The following LAMTOR5 variants were observed in gnomAD, a reference collection of about 807,000 sequenced individuals.
LAMTOR5 encodes ragulator complex protein LAMTOR5.
LAMTOR5 carries 8 observed loss-of-function variants against 12.1 expected under a neutral mutation model. The observed-to-expected ratio is 0.66, with a 90% CI of 0.39 to 1.19. The LOEUF (loss-of-function observed/expected upper bound fraction) is 1.19, where lower values mean the gene tolerates loss of function less well. Ranked by LOEUF, LAMTOR5 falls within the 50% of genes most tolerant of loss-of-function variation. The probability of loss-of-function intolerance (pLI) is 0.01; values close to 1 mark genes in which losing one functional copy is unlikely to be tolerated. For missense variants in LAMTOR5, 110 were observed against 112.8 expected, an observed-to-expected ratio of 0.97 and a Z score of 0.11; for synonymous variants, 37 against 41.9, an observed-to-expected ratio of 0.88 and a Z score of 0.45.
At chr1:110,407,716 G>A (rs1310599269), upstream of LAMTOR5, 3 of 1,614,204 alleles carry the variant, frequency 1.9e-6, no homozygotes, top group African/African-American at 1.3e-5. Context: ...GGCGTGGACC[G>A]TAACGGCGCC....
At chr1:110,404,555 C>A (rs1271481643) in intron 2 of LAMTOR5, among the ~76,000 whole-genome samples, 3 of 152,168 alleles carry the variant, frequency 2.0e-5, no homozygotes, top group Non-Finnish European at 4.4e-5. Context: ...TTTCAGTTAC[C>A]CTTCCAGCAA....
At chr1:110,401,809 T>C (rs1201471222) in intron 3 of LAMTOR5, among the ~76,000 whole-genome samples, 3 of 152,224 alleles carry the variant, frequency 2.0e-5, no homozygotes, top group African/African-American at 7.2e-5. Flanking sequence ...CCACTGTTAA[T>C]ATTTCCCTGG....
In LAMTOR5 at chr1:110,406,334, T is replaced by C. The variant is rs1663327566; in HGVS notation, c.81A>G (p.Gln27=). ...GATACTTACAACCCAGATTAAGTCC[T>C]TGTGAATCTGTGCACAGGACTCCAA... ...SIVGVLCTDS[Q]GLNLGCRGTL... Residue 27 remains glutamine (Q), a synonymous_variant, in exon 2 of 4, where the codon CAA becomes CAG. Coordinates refer to ENST00000602318, the MANE Select transcript of LAMTOR5 (RefSeq NM_001382293.1). 1.2e-6 allele frequency: 2 copies of C among 1,608,374 alleles called. No individual in the cohort carries two copies. Among genetic ancestry groups the C allele is most frequent in the Admixed American group, 1.7e-5 (1 of 59,058 alleles).
chr1:110,401,550 C>G lies in LAMTOR5; in HGVS notation c.249G>C (p.Thr83=), dbSNP rs373265343. The part of the protein sequence containing the change: ...NIMIQKHDGI[T]VAVHKMAS ...AAGAGGCCATTTTGTGCACTGCCAC[C>G]GTGATGCCATCGTGTTTCTGGATCA... The change falls in exon 4 of 4, where the codon ACG becomes ACC. Residue 83 remains threonine, a synonymous_variant. Coordinates refer to ENST00000602318, the MANE Select transcript of LAMTOR5 (RefSeq NM_001382293.1). 3.1e-6 allele frequency: 5 copies of G among 1,607,906 alleles called. No individual in the cohort carries two copies. In the African/African-American group the frequency reaches 4.0e-5, roughly 13 times the overall value.
chr1:110,401,792 C>T (rs943250219), intron 3 of LAMTOR5, among the ~76,000 whole-genome samples: 1 of 152,186 alleles, frequency 6.6e-6, no homozygotes, highest in African/African-American at 2.4e-5. Context: ...CTACTACACA[C>T]AGACAACCAC....
At chr1:110,401,710 T>C in intron 3 of LAMTOR5, 127 bp from the exon 4 acceptor site, 1 of 989,188 alleles carries the variant, frequency 1.0e-6, no homozygotes, top group South Asian at 1.8e-5. Context: ...ATAAAAGCAA[T>C]ATTTAAACAT....
In LAMTOR5 at chr1:110,406,110, G is replaced by A. The variant is rs185011058; in HGVS notation, c.97+208C>T. Among the ~76,000 whole-genome samples, 35 of 152,284 alleles carry A rather than the reference G, an allele frequency of 2.3e-4. No homozygotes were observed. The East Asian group carries it at 5.0e-3, about 22-fold the overall frequency. On this transcript the variant is annotated intron_variant, in intron 2 of 3. Transcript: ENST00000602318. ...TAGAGACAACTATTTATTGTTATAG[G>A]ACTGCAAGGAACATCTTCCTTCATA... is the stretch of plus-strand genomic sequence containing the variant.
intron 1 of LAMTOR5, chr1:110,406,822 C>CA (rs1557924821): frequency 1.4e-5 from 6 of 428,132 alleles, no homozygotes; most frequent in Admixed American, 4.2e-5. Flanking sequence ...AATTCCGTCT[C>CA]AAAAAAAGAA....
chr1:110,404,228 A>C (rs1458679512), intron 2 of LAMTOR5, among the ~76,000 whole-genome samples, 192 bp from the exon 3 acceptor site: 1 of 151,948 alleles, frequency 6.6e-6, no homozygotes, highest in East Asian at 1.9e-4. Context: ...ATTAATTACT[A>C]AGTGTACTTT....
intron 2 of LAMTOR5, among the ~76,000 whole-genome samples, chr1:110,406,068 T>G (rs1570670946): frequency 6.6e-6 from 1 of 152,364 alleles, no homozygotes; most frequent in South Asian, 2.1e-4. Flanking sequence ...TTAAAATGAT[T>G]CAAATATTAT....
chr1:110,405,047 CAA>C (rs34710454), intron 2 of LAMTOR5, among the ~76,000 whole-genome samples: 15 of 61,348 alleles, frequency 2.4e-4, no homozygotes, highest in Admixed American at 3.5e-4. Context: ...GATTTCGTCT[CAA>C]AAAAAAAAAA....
chr1:110,401,364 T>C lies in LAMTOR5; in HGVS notation c.*159A>G, dbSNP rs764865562. ...TACTAATATCTTGATAGTCGGTCCA[T>C]AGAGCATTAGAAAGCAATTGACTCT... is the stretch of plus-strand genomic sequence containing the variant. On this transcript the variant is annotated 3_prime_UTR_variant, in exon 4 of 4. Transcript: ENST00000602318. 1.3e-5 allele frequency: 8 copies of C among 617,506 alleles called. No homozygotes were observed. The highest frequency in any genetic ancestry group is 3.7e-5 in the African/African-American group (2 of 54,502). 38.3% of individuals were successfully genotyped at this position (617,506 alleles called of 1,614,324 possible).
intron 2 of LAMTOR5, among the ~76,000 whole-genome samples, chr1:110,405,322 G>A (rs1219542571): frequency 6.6e-6 from 1 of 151,806 alleles, no homozygotes; most frequent in Non-Finnish European, 1.5e-5. Context: ...TACCATGCCT[G>A]GCTAATTTTT....
At chr1:110,407,418 G>A (rs937074433) in intron 1 of LAMTOR5, 168 bp downstream of exon 1, 3 of 847,376 alleles carry the variant, frequency 3.5e-6, no homozygotes, top group Admixed American at 5.8e-5. Context: ...CGGGTCACCC[G>A]CCCCGCCCTG....
At chr1:110,406,643 G>A (rs901959170) in intron 1 of LAMTOR5, 1 of 298,326 alleles carries the variant, frequency 3.4e-6, no homozygotes, top group Non-Finnish European at 6.3e-6. Context: ...TGACCAACAT[G>A]GAGAAACCCC....
chr1:110,406,338 G>A lies in LAMTOR5; in HGVS notation c.77C>T (p.Ser26Leu). 1 of 1,608,146 alleles carries A rather than the reference G, an allele frequency of 6.2e-7. No homozygotes were observed. Among genetic ancestry groups the A allele is most frequent in the Non-Finnish European group, 8.5e-7 (1 of 1,177,092 alleles). Residue 26 changes from serine (S) to leucine (L), a missense_variant, in exon 2 of 4, where the codon TCA (serine) becomes TTA (leucine). By Grantham distance (145) the Ser-to-Leu change is moderately radical. Transcript: ENST00000602318. Reference sequence around the variant, plus strand: ...CTTACAACCCAGATTAAGTCCTTGTGAATCTGTGCACAGGACTCCAACAAT... The same window carrying A: ...CTTACAACCCAGATTAAGTCCTTGTAAATCTGTGCACAGGACTCCAACAAT... ...PSIVGVLCTDSQGLNLGCRGT... is the reference protein window; with the variant it reads ...PSIVGVLCTDLQGLNLGCRGT...
At chr1:110,406,579 C>T (rs1468853615) in intron 1 of LAMTOR5, 200 bp from the exon 2 acceptor site, 1 of 382,706 alleles carries the variant, frequency 2.6e-6, no homozygotes, top group Non-Finnish European at 4.7e-6. Context: ...AATCCCAGCA[C>T]TTTGGGAGGC....
chr1:110,406,025 C>G (rs2101111433), intron 2 of LAMTOR5, among the ~76,000 whole-genome samples: 1 of 152,322 alleles, frequency 6.6e-6, no homozygotes, highest in South Asian at 2.1e-4. Flanking sequence ...TGGTTAACAG[C>G]TGTTATTATC....
In LAMTOR5 at chr1:110,401,517, T is replaced by C. The variant is rs776852680; in HGVS notation, c.*6A>G. 16 of 1,604,244 alleles carry C rather than the reference T, an allele frequency of 1.0e-5. No individual in the cohort carries two copies. The highest frequency in any genetic ancestry group is 1.7e-4 in the Middle Eastern group (1 of 6,028). ...ATGACAGGCTGCTGAAGAACAGATATGAGCATCAAGAGGCCATTTTGTGCA... is the reference window on the plus strand; with the variant it reads ...ATGACAGGCTGCTGAAGAACAGATACGAGCATCAAGAGGCCATTTTGTGCA... On this transcript the variant is annotated 3_prime_UTR_variant, in exon 4 of 4. Transcript: ENST00000602318.
Sources: gnomAD v4.1 joint callset for allele counts (sites outside exome capture counted in the v4.1 genomes callset) on GRCh38, gnomAD v4.1.1 for gene constraint, MANE v1.5 for transcripts, NCBI Gene and HGNC (gene_info 2026-07-23, HGNC 2026-07-21) for gene names.